Variants in THSD4 observed in about 807,000 individuals in gnomAD.
The protein encoded by THSD4 is thrombospondin type-1 domain-containing protein 4.
THSD4 carries 69 observed loss-of-function variants against 119.0 expected under a neutral mutation model. The ratio of observed to expected loss-of-function variants is 0.58; its 90% CI spans 0.48 to 0.71. THSD4 has a LOEUF of 0.71. THSD4 is among the 30% of genes least tolerant of loss of function. The probability of loss-of-function intolerance (pLI) is 0.00; values close to 1 mark genes in which losing one functional copy is unlikely to be tolerated. For missense variants in THSD4, 1,393 were observed against 1,391.1 expected (o/e 1.00, Z -0.02); for synonymous variants, 524 against 540.4 (o/e 0.97, Z 0.42).
chr15:71,629,391 G>C (rs145831649), intron 7 of THSD4, among the ~76,000 whole-genome samples: 56 of 152,294 alleles, frequency 3.7e-4, no homozygotes, highest in African/African-American at 1.3e-3. Context: ...ACTGTTGAGA[G>C]ACCTGGCAGT....
intron 14 of THSD4, among the ~76,000 whole-genome samples, chr15:71,754,825 A>G (rs988560049): frequency 1.2e-5 from 1 of 82,046 alleles, no homozygotes; most frequent in Non-Finnish European, 3.9e-5. Context: ...CCAGAGAAGC[A>G]GTTAGACTTG....
At chr15:71,478,972 A>G (rs1008875043) in intron 7 of THSD4, among the ~76,000 whole-genome samples, 1 of 152,172 alleles carries the variant, frequency 6.6e-6, no homozygotes, top group African/African-American at 2.4e-5. Context: ...TCTGCTTTGT[A>G]TCCTTTAACT....
chr15:71,197,079 CCTT>C (rs1410349680), intron 3 of THSD4, among the ~76,000 whole-genome samples: 3 of 152,170 alleles, frequency 2.0e-5, no homozygotes, highest in Admixed American at 6.5e-5. Context: ...CCCCAGGAAA[CCTT>C]CTTAAAACAG....
At chr15:71,199,707 G>GTAT (rs2043768182) in intron 3 of THSD4, among the ~76,000 whole-genome samples, 2 of 9,772 alleles carry the variant, frequency 2.0e-4, no homozygotes, top group African/African-American at 9.2e-4. Context: ...GTGGTGTCTG[G>GTAT]GTGTGTGGTG....
At chr15:71,245,948 A>G (rs940251491) in intron 5 of THSD4, among the ~76,000 whole-genome samples, 1 of 152,076 alleles carries the variant, frequency 6.6e-6, no homozygotes, top group African/African-American at 2.4e-5. Context: ...AGATGGACCC[A>G]TATGCCCCAG....
chr15:71,150,813 A>G (rs1255331307), intron 2 of THSD4, among the ~76,000 whole-genome samples: 1 of 152,164 alleles, frequency 6.6e-6, no homozygotes, highest in Non-Finnish European at 1.5e-5. Flanking sequence ...GGCTTTGGAC[A>G]TTTTCAAATA....
chr15:71,468,140 C>A (rs549073369), intron 7 of THSD4, among the ~76,000 whole-genome samples: 2 of 152,214 alleles, frequency 1.3e-5, no homozygotes, highest in African/African-American at 4.8e-5. Context: ...TGAGCCACTG[C>A]GCCCAGCCAA....
chr15:71,150,160 C>T (rs574191180), intron 2 of THSD4, among the ~76,000 whole-genome samples: 4 of 152,234 alleles, frequency 2.6e-5, no homozygotes, highest in African/African-American at 7.2e-5. Context: ...AAGCTGGGAG[C>T]GGTTTGCCAA....
intron 6 of THSD4, among the ~76,000 whole-genome samples, chr15:71,313,283 T>C (rs761887794): frequency 3.3e-5 from 5 of 152,208 alleles, no homozygotes; most frequent in Admixed American, 2.0e-4. Flanking sequence ...ATTCTGTGTG[T>C]GTACATGCAT....
chr15:71,601,712 A>G (rs1325284033), intron 7 of THSD4, among the ~76,000 whole-genome samples: 1 of 152,230 alleles, frequency 6.6e-6, no homozygotes, highest in Non-Finnish European at 1.5e-5. Context: ...CTGAAATGTC[A>G]CTATTTATTG....
rs1350413363 is a variant in THSD4 at position 71,747,004 on chromosome 15, A to T, written c.2203A>T (p.Ile735Phe). 3.7e-6 allele frequency: 6 copies of T among 1,612,854 alleles called. No homozygotes were observed. Among genetic ancestry groups the T allele is most frequent in the Non-Finnish European group, 4.2e-6 (5 of 1,179,852 alleles). ...GACCACCAGCACCTGCCAACTCAAG[A>T]TCTGCAGCGAGTGGCAGATCCGGAC... ...PETTSTCQLK[I>F]CSEWQIRTDW... The change falls in exon 13 of 18, where the codon ATC becomes TTC. Residue 735 changes from isoleucine (I) to phenylalanine (F), a missense_variant. By Grantham distance (21) the Ile-to-Phe change is conservative. Coordinates refer to ENST00000261862, the MANE Select transcript of THSD4 (RefSeq NM_024817.3).
chr15:71,689,917 G>T (rs189725002), intron 8 of THSD4, among the ~76,000 whole-genome samples: 1 of 152,308 alleles, frequency 6.6e-6, no homozygotes, highest in African/African-American at 2.4e-5. Context: ...ACTTTTTCAT[G>T]AGGCAACCTC....
intron 7 of THSD4, among the ~76,000 whole-genome samples, chr15:71,492,160 T>G (rs909410955): frequency 6.6e-6 from 1 of 152,210 alleles, no homozygotes; most frequent in Non-Finnish European, 1.5e-5. Flanking sequence ...TTTTGACATT[T>G]TCTTTTCTCA....
intron 14 of THSD4, among the ~76,000 whole-genome samples, chr15:71,753,855 G>C (rs562655886): frequency 1.3e-5 from 2 of 152,242 alleles, no homozygotes; most frequent in South Asian, 4.1e-4. Context: ...TCCTCTACAG[G>C]CCTCATCCAT....
intron 7 of THSD4, among the ~76,000 whole-genome samples, chr15:71,476,491 C>T (rs1444277997): frequency 2.6e-5 from 4 of 152,168 alleles, no homozygotes; most frequent in Non-Finnish European, 4.4e-5. Flanking sequence ...ATCCACCCAC[C>T]TCGGCCTCCC....
At chr15:71,638,847 A>G (rs1372029333) in intron 7 of THSD4, among the ~76,000 whole-genome samples, 3 of 152,208 alleles carry the variant, frequency 2.0e-5, no homozygotes, top group Non-Finnish European at 4.4e-5. Flanking sequence ...GTGGCTTAAT[A>G]CAATGGTTTT....
intron 7 of THSD4, among the ~76,000 whole-genome samples, chr15:71,506,360 A>G (rs1315817709): frequency 1.3e-5 from 2 of 152,182 alleles, no homozygotes; most frequent in Non-Finnish European, 2.9e-5. Context: ...GCCCAGGGTT[A>G]AGTATTGGAT....
chr15:71,610,893 G>T (rs1180452589), intron 7 of THSD4, among the ~76,000 whole-genome samples: 1 of 152,152 alleles, frequency 6.6e-6, no homozygotes, highest in Non-Finnish European at 1.5e-5. Context: ...GAGTTGAGAT[G>T]TATGTAGATA....
At chr15:71,526,649 T>A (rs76953168) in intron 7 of THSD4, among the ~76,000 whole-genome samples, 83 of 152,342 alleles carry the variant, frequency 5.4e-4, no homozygotes, top group African/African-American at 1.9e-3. Flanking sequence ...AAATGAAGCT[T>A]AATCTCTCAC....
Sources: gnomAD v4.1 joint callset for allele counts (sites outside exome capture counted in the v4.1 genomes callset) on GRCh38, gnomAD v4.1.1 for gene constraint, MANE v1.5 for transcripts, NCBI Gene and HGNC (gene_info 2026-07-23, HGNC 2026-07-21) for gene names.